AGMO: variants seen among roughly 807,000 people sequenced by gnomAD.
AGMO encodes the protein glyceryl-ether monooxygenase.
A neutral mutation model predicts 60.2 loss-of-function variants in AGMO; 75 were observed. The observed-to-expected ratio is 1.25, with a 90% CI of 1.03 to 1.51. The LOEUF (loss-of-function observed/expected upper bound fraction) is 1.51. Among genes scored for constraint, AGMO ranks in the 40% most tolerant of loss-of-function variants. The probability of loss-of-function intolerance (pLI) is 0.00; values close to 1 mark genes in which losing one functional copy is unlikely to be tolerated. For synonymous variants in AGMO, 261 were observed against 177.1 expected (o/e 1.47, Z -3.76); for missense variants, 763 against 525.5 (o/e 1.45, Z -4.42).
intron 12 of AGMO, among the ~76,000 whole-genome samples, chr7:15,318,421 T>C (rs1781006877): frequency 6.6e-6 from 1 of 152,180 alleles, no homozygotes; most frequent in African/African-American, 2.4e-5. Flanking sequence ...ATACAGTGTA[T>C]CACTCAAAAT....
chr7:15,323,964 AC>A (rs1781260612), intron 12 of AGMO, among the ~76,000 whole-genome samples: 1 of 152,230 alleles, frequency 6.6e-6, no homozygotes, highest in Non-Finnish European at 1.5e-5. Flanking sequence ...CTTGCCGCAG[AC>A]ATTTCTATTT....
chr7:15,377,038 C>T (rs2128569358), intron 10 of AGMO, among the ~76,000 whole-genome samples: 1 of 152,078 alleles, frequency 6.6e-6, no homozygotes, highest in Non-Finnish European at 1.5e-5. Context: ...ACTGTGGGAC[C>T]ACAGCAGGGT....
At position 15,427,837 on chromosome 7, in the gene AGMO, G is replaced by T. The variant is rs565956090; in HGVS notation, c.513+3168C>A. On this transcript the variant is annotated intron_variant, in intron 4 of 12. Coordinates refer to ENST00000342526, the MANE Select transcript of AGMO (RefSeq NM_001004320.2). ...CACTTAAAATGGCACTCTATCAATA[G>T]CCCTCCTTGTTGGTGAGTAATATTA... is the stretch of plus-strand genomic sequence containing the variant. 4.6e-5 allele frequency among the ~76,000 whole-genome samples: 7 copies of T among 152,134 alleles called. No homozygotes were observed. In the South Asian group the frequency reaches 1.2e-3, roughly 27 times the overall value.
chr7:15,528,135 G>T (rs1241514986), intron 3 of AGMO, among the ~76,000 whole-genome samples: 2 of 152,116 alleles, frequency 1.3e-5, no homozygotes, highest in Non-Finnish European at 2.9e-5. Flanking sequence ...CATTGCCATA[G>T]ATAGTGATTC....
chr7:15,313,494 G>A (rs1270137544), intron 12 of AGMO, among the ~76,000 whole-genome samples: 4 of 152,132 alleles, frequency 2.6e-5, no homozygotes, highest in East Asian at 1.9e-4. Context: ...TGAAAAGGAT[G>A]GGCAATTTTT....
At chr7:15,265,730 C>T (rs759899073) in intron 12 of AGMO, among the ~76,000 whole-genome samples, 18 of 152,094 alleles carry the variant, frequency 1.2e-4, no homozygotes, top group Non-Finnish European at 2.4e-4. Context: ...GTGGAAAATA[C>T]GATGGTTCCT....
chr7:15,128,851 G>T, the AGMO span, among the ~76,000 whole-genome samples: 6 of 152,110 alleles, frequency 3.9e-5, no homozygotes, highest in African/African-American at 1.4e-4. Flanking sequence ...TTAAGAGCTT[G>T]CTGTAGCTAG....
At chr7:15,307,442 T>C (rs1780647699) in intron 12 of AGMO, among the ~76,000 whole-genome samples, 2 of 152,000 alleles carry the variant, frequency 1.3e-5, no homozygotes, top group Admixed American at 1.3e-4. Context: ...GGCTAATCAA[T>C]TAAACTCTAA....
chr7:15,274,152 A>G (rs1783707110), intron 12 of AGMO, among the ~76,000 whole-genome samples: 1 of 152,152 alleles, frequency 6.6e-6, no homozygotes, highest in Non-Finnish European at 1.5e-5. Flanking sequence ...AGAACTTCCA[A>G]CACTATGTTG....
intron 3 of AGMO, among the ~76,000 whole-genome samples, chr7:15,516,306 A>G: frequency 6.6e-6 from 1 of 152,290 alleles, no homozygotes. Context: ...ATAGATGAGT[A>G]AATATTTTTT....
chr7:15,323,133 T>C (rs1357100938), intron 12 of AGMO, among the ~76,000 whole-genome samples: 3 of 151,886 alleles, frequency 2.0e-5, no homozygotes, highest in Non-Finnish European at 4.4e-5. Flanking sequence ...CTTGGAGTAA[T>C]AAGACTTCTT....
chr7:15,358,944 A>C (rs1016728509), intron 12 of AGMO, among the ~76,000 whole-genome samples: 3 of 152,190 alleles, frequency 2.0e-5, no homozygotes, highest in African/African-American at 7.2e-5. Flanking sequence ...ATTAAGATAA[A>C]TATCCCCATA....
rs150960501 is a variant in AGMO, at chr7:15,311,712, T to C, written c.1263+53802A>G. On this transcript the variant is annotated intron_variant, in intron 12 of 12. Coordinates refer to ENST00000342526, the MANE Select transcript of AGMO (RefSeq NM_001004320.2). ...GGGACCAATACAAAATAGGAGGTAA[T>C]AAATTTCACAAGAAAACAAAGCATT... Among the ~76,000 whole-genome samples the C allele has an allele frequency of 6.6e-5, 10 of 152,216 alleles. No individual in the cohort carries two copies. The East Asian group carries it at 1.9e-3, about 29-fold the overall frequency.
intron 12 of AGMO, among the ~76,000 whole-genome samples, chr7:15,314,093 G>C (rs1260227945): frequency 6.6e-6 from 1 of 152,010 alleles, no homozygotes; most frequent in East Asian, 1.9e-4. Context: ...TTGGATGTCA[G>C]CAGCAGATAA....
chr7:15,211,241 T>C (rs961255455), intron 12 of AGMO, among the ~76,000 whole-genome samples: 1 of 152,038 alleles, frequency 6.6e-6, no homozygotes, highest in Non-Finnish European at 1.5e-5. Context: ...TTATAAAGTA[T>C]TATAAGAATA....
intron 12 of AGMO, among the ~76,000 whole-genome samples, chr7:15,271,193 T>G (rs902999155): frequency 1.3e-5 from 2 of 152,128 alleles, no homozygotes; most frequent in African/African-American, 4.8e-5. Context: ...CTGATATTTC[T>G]TACTCAGTGA....
chr7:15,131,939 A>G, the AGMO span, among the ~76,000 whole-genome samples: 1 of 151,968 alleles, frequency 6.6e-6, no homozygotes, highest in Non-Finnish European at 1.5e-5. Context: ...GAGTGATAAA[A>G]ATTCTGAATC....
intron 5 of AGMO, among the ~76,000 whole-genome samples, chr7:15,410,423 A>G (rs1784807694): frequency 6.6e-6 from 1 of 151,912 alleles, no homozygotes; most frequent in South Asian, 2.1e-4. Context: ...GTACTTTATG[A>G]TTAGAATCTC....
intron 3 of AGMO, among the ~76,000 whole-genome samples, chr7:15,434,857 C>A (rs1006363646): frequency 2.0e-5 from 3 of 151,294 alleles, no homozygotes; most frequent in Non-Finnish European, 2.9e-5. Flanking sequence ...AAATCCCTCA[C>A]TCCCACCCCC....
Sources: gnomAD v4.1 joint callset for allele counts (sites outside exome capture counted in the v4.1 genomes callset) on GRCh38, gnomAD v4.1.1 for gene constraint, MANE v1.5 for transcripts, NCBI Gene and HGNC (gene_info 2026-07-23, HGNC 2026-07-21) for gene names.